Variants in DDHD2 observed in about 807,000 individuals in gnomAD.
The protein encoded by DDHD2 is DDHD domain containing 2.
DDHD2 carries 62 observed loss-of-function variants against 91.2 expected under a neutral mutation model. The ratio of observed to expected loss-of-function variants is 0.68; its 90% CI spans 0.55 to 0.84. The LOEUF (loss-of-function observed/expected upper bound fraction) is 0.84. DDHD2 is among the 40% of genes least tolerant of loss of function. The pLI, the probability that DDHD2 is intolerant of heterozygous loss-of-function variation, is 0.00. For synonymous variants in DDHD2, 271 were observed against 293.9 expected (o/e 0.92, Z 0.80); for missense variants, 740 against 846.9 (o/e 0.87, Z 1.57).
chr8:38,267,417 C>A (rs1449831912), downstream of DDHD2: 2 of 1,605,692 alleles, frequency 1.2e-6, no homozygotes, highest in South Asian at 1.1e-5. Flanking sequence ...ATGGTTGGAA[C>A]GTAAATCATT....
chr8:38,268,472 A>ATGTC (rs1230296803), intron 1 of DDHD2: 12 of 1,561,618 alleles, frequency 7.7e-6, no homozygotes, highest in Non-Finnish European at 1.0e-5. Flanking sequence ...CTGAATCAGA[A>ATGTC]TGTCAGAGGT....
At chr8:38,241,689 G>T (rs1247942402) in intron 6 of DDHD2, among the ~76,000 whole-genome samples, 1 of 151,474 alleles carries the variant, frequency 6.6e-6, no homozygotes, top group Non-Finnish European at 1.5e-5. Context: ...AAAGTGCTGG[G>T]ATTACAGGCA....
intron 5 of DDHD2, chr8:38,238,732 C>T: frequency 1.1e-6 from 1 of 910,584 alleles, no homozygotes; most frequent in Non-Finnish European, 1.3e-6. Flanking sequence ...GCTTTAAAAA[C>T]ATACCAAACA....
chr8:38,245,010 T>A (rs1425956846), intron 7 of DDHD2, among the ~76,000 whole-genome samples: 1 of 150,760 alleles, frequency 6.6e-6, no homozygotes, highest in Non-Finnish European at 1.5e-5. Flanking sequence ...TACATATTTT[T>A]ATATACATTA....
At chr8:38,266,188 G>A, downstream of DDHD2, 4 of 1,614,026 alleles carry the variant, frequency 2.5e-6, no homozygotes, top group Non-Finnish European at 3.4e-6. Flanking sequence ...TGCAATCACA[G>A]CTGCAAAAAG....
At position 38,252,244 on chromosome 8, in the gene DDHD2, A is replaced by G. The variant is rs370811347; in HGVS notation, c.1574A>G (p.Tyr525Cys). 1.9e-6 allele frequency: 3 copies of G among 1,613,920 alleles called. No individual in the cohort carries two copies. Among genetic ancestry groups the G allele is most frequent in the Non-Finnish European group, 2.5e-6 (3 of 1,180,004 alleles). ...GGACTAAAAAGAATTGATCCCAACT[A>G]CAGATTTCCAACGTGCAAAGGTTTC... ...VRGLKRIDPN[Y>C]RFPTCKGFFN... is the part of the protein sequence containing the mutation. Residue 525 changes from tyrosine (Y) to cysteine (C), a missense_variant, in exon 13 of 18, where the codon TAC becomes TGC. Transcript: ENST00000397166.
At chr8:38,257,655 C>T (rs1280119107) in intron 16 of DDHD2, among the ~76,000 whole-genome samples, 1 of 146,638 alleles carries the variant, frequency 6.8e-6, no homozygotes, top group Admixed American at 7.3e-5. Flanking sequence ...AAAATTCTTA[C>T]CACAGTATTT....
chr8:38,249,381 C>T (rs1365908936), intron 10 of DDHD2, among the ~76,000 whole-genome samples: 1 of 150,932 alleles, frequency 6.6e-6, no homozygotes, highest in Non-Finnish European at 1.5e-5. Flanking sequence ...GGATTACAGG[C>T]GTGAGCCACC....
intron 5 of DDHD2, among the ~76,000 whole-genome samples, chr8:38,239,672 G>GC (rs1328580966): frequency 1.6e-5 from 2 of 126,104 alleles, no homozygotes; most frequent in African/African-American, 6.0e-5. Flanking sequence ...GGGTGACAGA[G>GC]CAAGACTCTG....
chr8:38,257,093 A>G (rs1306018629), intron 16 of DDHD2, among the ~76,000 whole-genome samples: 1 of 151,904 alleles, frequency 6.6e-6, no homozygotes, highest in East Asian at 1.9e-4. Context: ...CACTATGCCC[A>G]GCTAATTTTT....
chr8:38,253,679 A>G lies in DDHD2; in HGVS notation c.2015A>G (p.Asn672Ser). The G allele has an allele frequency of 6.2e-7, 1 of 1,614,134 alleles. No homozygotes were observed. Among genetic ancestry groups the G allele is most frequent in the Non-Finnish European group, 8.5e-7 (1 of 1,179,990 alleles). The change falls in exon 16 of 18, where the codon AAT becomes AGT. Residue 672 changes from asparagine to serine, a missense_variant. Transcript: ENST00000397166. ...CAGGAGAAGCCTATTGAAAGTTTTA[A>G]TGAGTATTTATTTGCTTTACAAAGC... ...VLQEKPIESFNEYLFALQSHL... is the reference protein window; with the variant it reads ...VLQEKPIESFSEYLFALQSHL...
chr8:38,259,439 G>A (rs1383238305), intron 16 of DDHD2, among the ~76,000 whole-genome samples: 1 of 150,674 alleles, frequency 6.6e-6, no homozygotes, highest in Non-Finnish European at 1.5e-5. Flanking sequence ...AGGCTGGAGT[G>A]CAGTGGTGCA....
chr8:38,268,887 T>G (rs1563331955), intron 1 of DDHD2: 3 of 1,551,454 alleles, frequency 1.9e-6, no homozygotes, highest in East Asian at 2.4e-5. Flanking sequence ...CGCACAAACA[T>G]CGGCTTGGTG....
chr8:38,266,952 T>C (rs1342543914), downstream of DDHD2: 12 of 913,036 alleles, frequency 1.3e-5, no homozygotes, highest in African/African-American at 3.4e-5. Context: ...GAAATGAAAA[T>C]GCTTCAAAGT....
chr8:38,237,672 C>T (rs906124632), intron 4 of DDHD2, 45 bp downstream of exon 4: 1 of 1,087,672 alleles, frequency 9.2e-7, no homozygotes, highest in African/African-American at 1.6e-5. Context: ...GTTAATTGCG[C>T]TATTAGGGAG....
rs910525381 is a variant in DDHD2, at chr8:38,269,066, C to T, written n.88-2056C>T. ...TTCCCCACTGCCCGACCCGCCGCCC[C>T]GTGCCGCCCGCCTGCCTGGGAAGCG... On this transcript the variant is annotated intron_variant and non_coding_transcript_variant, in intron 1 of 1. Transcript: ENST00000526071. 16 of 1,524,160 alleles carry T rather than the reference C, an allele frequency of 1.0e-5. No individual in the cohort carries two copies. The South Asian group carries it at 1.9e-4, about 18-fold the overall frequency. 94.4% of individuals were successfully genotyped at this position (1,524,160 alleles called of 1,614,324 possible). A position where few individuals can be genotyped will look rare whatever the true frequency, so the allele number is the denominator to read the frequency against.
chr8:38,266,131 C>T, downstream of DDHD2: 5 of 1,613,330 alleles, frequency 3.1e-6, no homozygotes, highest in Non-Finnish European at 4.2e-6. Flanking sequence ...AGCCTGAGTA[C>T]TTTGCTTACC....
intron 2 of DDHD2, 90 bp from the exon 3 acceptor site, chr8:38,234,304 A>T: frequency 1.0e-6 from 1 of 975,964 alleles, no homozygotes; most frequent in Non-Finnish European, 1.4e-6. Context: ...CATGTGTTTC[A>T]TAACATTATT....
In DDHD2 at chr8:38,245,735, T is replaced by C; in HGVS notation, c.849-7T>C. On this transcript the variant is annotated splice_region_variant and splice_polypyrimidine_tract_variant and intron_variant, in intron 7 of 17. Coordinates refer to ENST00000397166, the MANE Select transcript of DDHD2 (RefSeq NM_015214.3). ...TTTCCTGCTTATATTATTTTTCCTTTTTTCAGAGATCTGCAGCGAATAACC... is the reference window on the plus strand; with the variant it reads ...TTTCCTGCTTATATTATTTTTCCTTCTTTCAGAGATCTGCAGCGAATAACC... 1 of 1,613,430 alleles carries C rather than the reference T, an allele frequency of 6.2e-7. No homozygotes were observed. Among genetic ancestry groups the C allele is most frequent in the Non-Finnish European group, 8.5e-7 (1 of 1,179,792 alleles).
Sources: gnomAD v4.1 joint callset for allele counts (sites outside exome capture counted in the v4.1 genomes callset) on GRCh38, gnomAD v4.1.1 for gene constraint, MANE v1.5 for transcripts, NCBI Gene and HGNC (gene_info 2026-07-23, HGNC 2026-07-21) for gene names.